The following SLIT3 variants were observed in gnomAD, a reference collection of about 807,000 sequenced individuals.
The protein encoded by SLIT3 is slit guidance ligand 3, also known as slit homolog 3 protein.
In SLIT3, 68 loss-of-function variants were observed where a neutral mutation model predicts 184.0. The ratio of observed to expected loss-of-function variants is 0.37; its 90% CI spans 0.30 to 0.45. The LOEUF (loss-of-function observed/expected upper bound fraction) is 0.45. Among genes scored for constraint, SLIT3 ranks in the 20% least tolerant of loss-of-function variants. The probability of loss-of-function intolerance (pLI) is 1.00; values close to 1 mark genes in which losing one functional copy is unlikely to be tolerated. For missense variants in SLIT3, 1,707 were observed against 2,026.0 expected, an observed-to-expected ratio of 0.84 and a Z score of 3.02; for synonymous variants, 831 against 828.6, an observed-to-expected ratio of 1.00 and a Z score of -0.05.
At chr5:169,162,386 G>A (rs1762508933) in intron 4 of SLIT3, among the ~76,000 whole-genome samples, 1 of 152,206 alleles carries the variant, frequency 6.6e-6, no homozygotes, top group South Asian at 2.1e-4. Flanking sequence ...CTTACAGCAG[G>A]AGAAGAAGTT....
intron 1 of SLIT3, among the ~76,000 whole-genome samples, chr5:169,257,602 A>C (rs1223439825): frequency 8.7e-6 from 1 of 115,558 alleles, no homozygotes; most frequent in Non-Finnish European, 1.6e-5. Context: ...GCTGGAGTGC[A>C]GTGGCACGAT....
At chr5:168,841,688 G>C (rs893715068) in intron 6 of SLIT3, among the ~76,000 whole-genome samples, 1 of 152,108 alleles carries the variant, frequency 6.6e-6, no homozygotes, top group Non-Finnish European at 1.5e-5. Flanking sequence ...TCGATGGAAA[G>C]AAGTTTTATG....
chr5:168,985,545 G>A (rs1295560455), intron 4 of SLIT3, among the ~76,000 whole-genome samples: 2 of 152,202 alleles, frequency 1.3e-5, no homozygotes, highest in Non-Finnish European at 2.9e-5. Flanking sequence ...TACTGCAACA[G>A]CCCTCATTTT....
chr5:168,845,823 T>C (rs1455911824), intron 5 of SLIT3, among the ~76,000 whole-genome samples: 1 of 152,234 alleles, frequency 6.6e-6, no homozygotes, highest in African/African-American at 2.4e-5. Context: ...GAGCACACTA[T>C]GGTCTTTGGG....
At chr5:168,766,189 A>G (rs17070438) in intron 14 of SLIT3, among the ~76,000 whole-genome samples, 16,821 of 152,200 alleles carry the variant, frequency 0.11, 1,044 homozygotes, top group African/African-American at 0.16. Flanking sequence ...GGAGTCATAA[A>G]TTCATTGTTA....
intron 5 of SLIT3, among the ~76,000 whole-genome samples, chr5:168,848,186 A>G (rs1285118856): frequency 2.6e-5 from 4 of 152,228 alleles, no homozygotes; most frequent in Non-Finnish European, 5.9e-5. Flanking sequence ...TCCTTCTAGG[A>G]AAAGGTGTCA....
At chr5:169,169,826 C>T (rs1055954193) in intron 4 of SLIT3, among the ~76,000 whole-genome samples, 3 of 152,220 alleles carry the variant, frequency 2.0e-5, no homozygotes, top group Non-Finnish European at 2.9e-5. Flanking sequence ...CACATCTACC[C>T]ATTGCTCCAA....
chr5:169,060,251 G>A (rs944366152), intron 4 of SLIT3, among the ~76,000 whole-genome samples: 5 of 152,204 alleles, frequency 3.3e-5, no homozygotes, highest in African/African-American at 1.2e-4. Flanking sequence ...TTAGCTGGGT[G>A]TGGTGGCACA....
chr5:169,025,752 A>G (rs2113505764), intron 4 of SLIT3, among the ~76,000 whole-genome samples: 1 of 152,332 alleles, frequency 6.6e-6, no homozygotes, highest in East Asian at 1.9e-4. Context: ...AGAATTTCCA[A>G]TTCCATCACC....
intron 4 of SLIT3, among the ~76,000 whole-genome samples, chr5:168,904,523 T>C (rs372311365): frequency 4.0e-5 from 6 of 150,372 alleles, no homozygotes; most frequent in African/African-American, 1.2e-4. Context: ...TAATACCTCA[T>C]TCATCTTTAC....
chr5:168,913,490 G>T (rs1254320008), intron 4 of SLIT3, among the ~76,000 whole-genome samples: 1 of 152,124 alleles, frequency 6.6e-6, no homozygotes, highest in Non-Finnish European at 1.5e-5. Flanking sequence ...TAATCTGGCT[G>T]GGCATAGTGG....
At chr5:168,772,567 T>G in intron 14 of SLIT3, 1 of 555,444 alleles carries the variant, frequency 1.8e-6, no homozygotes, top group Non-Finnish European at 3.2e-6. Context: ...CCCCATGCTT[T>G]TATTGTGTGT....
At chr5:169,081,293 A>G (rs2668041) in intron 4 of SLIT3, among the ~76,000 whole-genome samples, 107,166 of 152,120 alleles carry the variant, frequency 0.7, 37,808 homozygotes, top group East Asian at 0.81. Context: ...GCCTGGGAAG[A>G]GGAGAGGAAG....
intron 4 of SLIT3, among the ~76,000 whole-genome samples, chr5:169,117,909 T>C (rs1466351280): frequency 6.6e-6 from 1 of 152,184 alleles, no homozygotes; most frequent in Non-Finnish European, 1.5e-5. Flanking sequence ...AAGCACGAAC[T>C]AGCATAACTA....
At chr5:169,151,522 T>C (rs559529489) in intron 4 of SLIT3, among the ~76,000 whole-genome samples, 18 of 152,244 alleles carry the variant, frequency 1.2e-4, no homozygotes, top group Admixed American at 2.6e-4. Flanking sequence ...GGGACCAAAA[T>C]GAGCTTCCTT....
rs991746541 is a variant in SLIT3 at position 169,260,135 on chromosome 5, TA to T, written c.198-8677del. On this transcript the variant is annotated intron_variant, in intron 1 of 35. Transcript: ENST00000519560. ...TCTCACAACTGCACTTGAGTAGTCTTAAAAAAAATAAACAACTTTAAAAAAA... is the reference window on the plus strand; with the variant it reads ...TCTCACAACTGCACTTGAGTAGTCTTAAAAAAATAAACAACTTTAAAAAAA... 3.3e-5 allele frequency among the ~76,000 whole-genome samples: 5 copies of T among 151,578 alleles called. 1 individual carries two copies. In the South Asian group the frequency reaches 8.4e-4, roughly 25 times the overall value.
intron 12 of SLIT3, among the ~76,000 whole-genome samples, chr5:168,781,945 G>A (rs918117765): frequency 1.2e-4 from 19 of 152,132 alleles, no homozygotes; most frequent in South Asian, 6.2e-4. Flanking sequence ...TCCTCTTAGC[G>A]TTGTGGTAGA....
At chr5:169,197,736 C>T (rs1453151638) in intron 3 of SLIT3, among the ~76,000 whole-genome samples, 2 of 152,108 alleles carry the variant, frequency 1.3e-5, no homozygotes, top group Admixed American at 6.5e-5. Context: ...CAGGATAAGG[C>T]CTTCCTAGGT....
chr5:169,251,604 C>T (rs2113595014), intron 1 of SLIT3, 145 bp from the exon 2 acceptor site: 1 of 648,720 alleles, frequency 1.5e-6, no homozygotes, highest in Admixed American at 2.1e-5. Context: ...GCGTGCCCGG[C>T]TAACCTTAAG....
Sources: gnomAD v4.1 joint callset for allele counts (sites outside exome capture counted in the v4.1 genomes callset) on GRCh38, gnomAD v4.1.1 for gene constraint, MANE v1.5 for transcripts, NCBI Gene and HGNC (gene_info 2026-07-23, HGNC 2026-07-21) for gene names.